Variants in PRIM2 observed in about 807,000 individuals in gnomAD.
The protein encoded by PRIM2 is DNA primase subunit 2.
PRIM2 carries 39 observed loss-of-function variants against 67.3 expected under a neutral mutation model. The observed-to-expected ratio is 0.58, with a 90% CI of 0.45 to 0.76. The LOEUF is 0.76. PRIM2 is among the 30% of genes least tolerant of loss of function. PRIM2 has a pLI of 0.00. For synonymous variants in PRIM2, 143 were observed against 198.7 expected, an observed-to-expected ratio of 0.72 and a Z score of 2.36; for missense variants, 398 against 598.7, an observed-to-expected ratio of 0.66 and a Z score of 3.50.
intron 7 of PRIM2, among the ~76,000 whole-genome samples, chr6:57,441,486 A>G (rs12211084): frequency 1.3e-5 from 2 of 151,874 alleles, no homozygotes; most frequent in South Asian, 2.1e-4. Flanking sequence ...TTTCATCAAC[A>G]TTTTTTTTGA....
chr6:57,325,307 T>C (rs867737160), intron 4 of PRIM2, among the ~76,000 whole-genome samples: 7 of 149,168 alleles, frequency 4.7e-5, no homozygotes, highest in African/African-American at 1.2e-4. Context: ...CTCTCTCTCT[T>C]TTTTTTTTTT....
intron 10 of PRIM2, among the ~76,000 whole-genome samples, chr6:57,577,468 C>T (rs1209881662): frequency 7.3e-6 from 1 of 137,918 alleles, no homozygotes; most frequent in Admixed American, 8.2e-5. Flanking sequence ...GTCACTCTGT[C>T]GCCCAGGCTG....
chr6:57,307,398 C>T, the PRIM2 span, among the ~76,000 whole-genome samples: 1 of 151,576 alleles, frequency 6.6e-6, no homozygotes, highest in South Asian at 2.1e-4. Flanking sequence ...GGACTATAGG[C>T]ACCCGCCACC....
chr6:57,290,836 G>T, the PRIM2 span, among the ~76,000 whole-genome samples: 4 of 152,074 alleles, frequency 2.6e-5, no homozygotes, highest in African/African-American at 9.7e-5. Context: ...AGAATCTCTG[G>T]GACACATTTA....
the PRIM2 span, among the ~76,000 whole-genome samples, chr6:57,267,411 T>C: frequency 1.6e-4 from 24 of 152,264 alleles, no homozygotes; most frequent in South Asian, 1.7e-3. Context: ...AGCGGGTTAC[T>C]GTCTTGGGCA....
chr6:57,345,926 A>G lies in PRIM2; in HGVS notation c.459+19881A>G, dbSNP rs1768660854. ...TATAGGGTAATTTTTGGATGTTGCC[A>G]TGGCATTTGTAAACTGTACTGGTGC... On this transcript the variant is annotated intron_variant, in intron 5 of 13. Transcript: ENST00000615550. 4.6e-5 allele frequency among the ~76,000 whole-genome samples: 7 copies of G among 152,282 alleles called. No homozygotes were observed. In the South Asian group the frequency reaches 1.5e-3, roughly 32 times the overall value.
intron 5 of PRIM2, among the ~76,000 whole-genome samples, chr6:57,351,026 C>CTAGT (rs1768841067): frequency 6.7e-6 from 1 of 149,412 alleles, no homozygotes; most frequent in Non-Finnish European, 1.5e-5. Flanking sequence ...ATCAGGGTGA[C>CTAGT]ATGTTATAAT....
the PRIM2 span, among the ~76,000 whole-genome samples, chr6:57,278,812 T>C: frequency 1.3e-5 from 2 of 152,056 alleles, no homozygotes; most frequent in Non-Finnish European, 2.9e-5. Context: ...AAAGAGAGTA[T>C]AGTTTTTATG....
chr6:57,373,705 A>G (rs1344073974), intron 5 of PRIM2, among the ~76,000 whole-genome samples: 4 of 152,116 alleles, frequency 2.6e-5, no homozygotes, highest in African/African-American at 7.2e-5. Context: ...ATACAGGGAA[A>G]TCTTTCCCTG....
intron 7 of PRIM2, among the ~76,000 whole-genome samples, chr6:57,408,590 C>G (rs1440806768): frequency 1.3e-5 from 2 of 152,100 alleles, no homozygotes; most frequent in Non-Finnish European, 2.9e-5. Flanking sequence ...TGGGCAAACA[C>G]TCATCTGTTT....
intron 5 of PRIM2, among the ~76,000 whole-genome samples, chr6:57,355,735 C>G (rs562937564): frequency 6.6e-6 from 1 of 152,134 alleles, no homozygotes; most frequent in Non-Finnish European, 1.5e-5. Context: ...TCCCCAGGCT[C>G]AGGTGATCCT....
chr6:57,549,665 G>A (rs1215132345), intron 10 of PRIM2, among the ~76,000 whole-genome samples: 2 of 152,100 alleles, frequency 1.3e-5, no homozygotes, highest in African/African-American at 2.4e-5. Context: ...CAATATATTT[G>A]TAAACTTGTT....
At chr6:57,433,143 GCCTT>G (rs1771887993) in intron 7 of PRIM2, among the ~76,000 whole-genome samples, 1 of 152,162 alleles carries the variant, frequency 6.6e-6, no homozygotes, top group Non-Finnish European at 1.5e-5. Flanking sequence ...AGATCCTGTG[GCCTT>G]CACAGCTAAA....
intron 13 of PRIM2, among the ~76,000 whole-genome samples, chr6:57,641,875 TTAC>T (rs1777242904): frequency 6.6e-6 from 1 of 152,176 alleles, no homozygotes; most frequent in African/African-American, 2.4e-5. Context: ...AGCAATCCCA[TTAC>T]TGGGTTGTAC....
intron 7 of PRIM2, among the ~76,000 whole-genome samples, chr6:57,391,951 A>T (rs530051666): frequency 1.3e-5 from 2 of 152,196 alleles, no homozygotes; most frequent in African/African-American, 4.8e-5. Flanking sequence ...TGAATTATAT[A>T]AATTGCTTTG....
intron 7 of PRIM2, among the ~76,000 whole-genome samples, chr6:57,500,502 G>C (rs1379982427): frequency 6.6e-6 from 1 of 152,262 alleles, no homozygotes; most frequent in African/African-American, 2.4e-5. Context: ...CTAGCCATAC[G>C]GGAAACACAG....
At chr6:57,516,222 A>G (rs2127462467) in intron 8 of PRIM2, among the ~76,000 whole-genome samples, 1 of 152,228 alleles carries the variant, frequency 6.6e-6, no homozygotes, top group South Asian at 2.1e-4. Flanking sequence ...CTTAACCTTA[A>G]TTACATCTGC....
intron 5 of PRIM2, among the ~76,000 whole-genome samples, chr6:57,331,475 T>C (rs1768057787): frequency 6.6e-6 from 1 of 152,200 alleles, no homozygotes; most frequent in Non-Finnish European, 1.5e-5. Context: ...GAGGAGGTTG[T>C]GAAGGATTGG....
At chr6:57,480,942 T>G (rs1416456561) in intron 7 of PRIM2, among the ~76,000 whole-genome samples, 1 of 152,198 alleles carries the variant, frequency 6.6e-6, no homozygotes, top group Non-Finnish European at 1.5e-5. Flanking sequence ...TTTAATTTTC[T>G]TATTTCAAGA....
Sources: gnomAD v4.1 joint callset for allele counts (sites outside exome capture counted in the v4.1 genomes callset) on GRCh38, gnomAD v4.1.1 for gene constraint, MANE v1.5 for transcripts, NCBI Gene and HGNC (gene_info 2026-07-23, HGNC 2026-07-21) for gene names.